DLGAP2: variants seen among roughly 807,000 people sequenced by gnomAD.
The protein encoded by DLGAP2 is DLG associated protein 2, also known as disks large-associated protein 2.
Under a neutral mutation model 100.3 loss-of-function variants are expected in DLGAP2, and 26 were observed. The ratio of observed to expected loss-of-function variants is 0.26; its 90% CI spans 0.19 to 0.36. The LOEUF is 0.36. Ranked by LOEUF, DLGAP2 falls within the 10% of genes least tolerant of loss-of-function variation. The probability of loss-of-function intolerance (pLI) is 1.00; values close to 1 mark genes in which losing one functional copy is unlikely to be tolerated. For synonymous variants in DLGAP2, 886 were observed against 630.1 expected, an observed-to-expected ratio of 1.41 and a Z score of -6.08; for missense variants, 1,858 against 1,453.2, an observed-to-expected ratio of 1.28 and a Z score of -4.53.
At chr8:948,190 G>A (rs1306986180) in intron 2 of DLGAP2, among the ~76,000 whole-genome samples, 1 of 152,196 alleles carries the variant, frequency 6.6e-6, no homozygotes. Flanking sequence ...GACAACTTGG[G>A]CCGGGAGAGA....
intron 2 of DLGAP2, among the ~76,000 whole-genome samples, chr8:1,053,446 C>G (rs1802781753): frequency 6.6e-6 from 1 of 152,090 alleles, no homozygotes; most frequent in Admixed American, 6.5e-5. Context: ...CCAGAAGGAC[C>G]AGGTGTGTCC....
At chr8:911,903 C>G (rs1458591454) in intron 2 of DLGAP2, among the ~76,000 whole-genome samples, 1 of 152,228 alleles carries the variant, frequency 6.6e-6, no homozygotes, top group Non-Finnish European at 1.5e-5. Flanking sequence ...CTGTTCAGTT[C>G]CTAGATGATC....
At chr8:1,515,060 C>T (rs1390407725) in intron 4 of DLGAP2, among the ~76,000 whole-genome samples, 1 of 151,744 alleles carries the variant, frequency 6.6e-6, no homozygotes, top group Non-Finnish European at 1.5e-5. Context: ...GATACCGATC[C>T]CTGCAGGGAG....
chr8:1,313,509 T>G (rs1800659602), intron 3 of DLGAP2, among the ~76,000 whole-genome samples: 1 of 152,078 alleles, frequency 6.6e-6, no homozygotes, highest in Non-Finnish European at 1.5e-5. Context: ...TGATAAACCT[T>G]TGAAGAAAAA....
chr8:769,150 C>G (rs1176163830), intron 1 of DLGAP2, among the ~76,000 whole-genome samples: 1 of 152,052 alleles, frequency 6.6e-6, no homozygotes, highest in East Asian at 1.9e-4. Flanking sequence ...AGAAAATCAG[C>G]TCAGAAACCT....
chr8:1,254,073 G>T (rs921872831), intron 2 of DLGAP2, among the ~76,000 whole-genome samples: 3 of 152,200 alleles, frequency 2.0e-5, no homozygotes, highest in Admixed American at 6.5e-5. Flanking sequence ...GTCCCTCCTG[G>T]GGGCACTGAG....
chr8:923,976 A>T (rs148143091), intron 2 of DLGAP2, among the ~76,000 whole-genome samples: 1 of 152,230 alleles, frequency 6.6e-6, no homozygotes, highest in African/African-American at 2.4e-5. Context: ...AATGTTCTTA[A>T]GTTAAATCAA....
At chr8:1,660,923 C>T in intron 8 of DLGAP2, among the ~76,000 whole-genome samples, 1 of 152,176 alleles carries the variant, frequency 6.6e-6, no homozygotes. Context: ...ATACACGGCA[C>T]CGTGATTCCG....
chr8:1,662,889 A>G (rs1798444100), intron 8 of DLGAP2, among the ~76,000 whole-genome samples: 1 of 135,642 alleles, frequency 7.4e-6, no homozygotes, highest in Non-Finnish European at 1.5e-5. Context: ...GCGCGTGTGT[A>G]CATGTGTGAG....
intron 1 of DLGAP2, among the ~76,000 whole-genome samples, chr8:843,249 G>A (rs947418627): frequency 6.6e-6 from 1 of 152,202 alleles, no homozygotes; most frequent in Non-Finnish European, 1.5e-5. Context: ...AGTTAAGAAG[G>A]TGGCAGTTTG....
intron 6 of DLGAP2, among the ~76,000 whole-genome samples, chr8:1,605,533 G>A (rs551178817): frequency 2.0e-5 from 3 of 152,234 alleles, no homozygotes; most frequent in Non-Finnish European, 4.4e-5. Context: ...CTTTAGAAAC[G>A]TGCTACATTC....
chr8:1,188,594 C>T (rs1034090561), intron 2 of DLGAP2, among the ~76,000 whole-genome samples: 10 of 152,124 alleles, frequency 6.6e-5, no homozygotes, highest in South Asian at 4.1e-4. Context: ...CTCACACACC[C>T]GGGACGTCCG....
At chr8:979,741 C>G (rs1421224022) in intron 2 of DLGAP2, among the ~76,000 whole-genome samples, 1 of 152,228 alleles carries the variant, frequency 6.6e-6, no homozygotes, top group Admixed American at 6.5e-5. Flanking sequence ...TGTGCCAGTC[C>G]TTTCTCTTGC....
chr8:1,456,998 C>T (rs531513076), intron 3 of DLGAP2, among the ~76,000 whole-genome samples: 26 of 152,324 alleles, frequency 1.7e-4, no homozygotes, highest in African/African-American at 5.1e-4. Context: ...TAGCCTTTCC[C>T]GAGTTCAGAG....
At chr8:1,108,157 G>A (rs1804837462) in intron 2 of DLGAP2, among the ~76,000 whole-genome samples, 1 of 152,130 alleles carries the variant, frequency 6.6e-6, no homozygotes, top group African/African-American at 2.4e-5. Context: ...TAGGTAAGAA[G>A]AAAGGATAGG....
chr8:841,211 G>T (rs1227995835), intron 1 of DLGAP2, among the ~76,000 whole-genome samples: 3 of 152,120 alleles, frequency 2.0e-5, no homozygotes, highest in African/African-American at 7.2e-5. Flanking sequence ...GAATGAATTG[G>T]TTTATCTCAC....
chr8:1,620,952 TCTC>T (rs1405432948), intron 6 of DLGAP2, among the ~76,000 whole-genome samples: 1 of 152,122 alleles, frequency 6.6e-6, no homozygotes, highest in African/African-American at 2.4e-5. Context: ...TACCCTCTGC[TCTC>T]CAGACAAACA....
chr8:1,076,415 A>G (rs1386938671), intron 2 of DLGAP2, among the ~76,000 whole-genome samples: 1 of 152,068 alleles, frequency 6.6e-6, no homozygotes, highest in African/African-American at 2.4e-5. Context: ...GACGTACGGT[A>G]TTTTGCGGAA....
rs79046058 is a variant in DLGAP2, at chr8:1,660,911, G to A, written c.1811-7418G>A. ...TTTCCCCTTGAATGGTGTCACCGAA[G>A]AATACACGGCACCGTGATTCCGTAG... On this transcript the variant is annotated intron_variant, in intron 8 of 14. Transcript: ENST00000637795. Among the ~76,000 whole-genome samples the A allele has an allele frequency of 3.1e-3, 478 of 152,262 alleles. 1 individual carries two copies. The highest frequency in any genetic ancestry group is 0.01 in the African/African-American group (417 of 41,532).
Sources: allele counts gnomAD v4.1 joint callset (sites outside exome capture counted in the v4.1 genomes callset), GRCh38; gene constraint gnomAD v4.1.1; transcripts MANE v1.5; gene names NCBI Gene and HGNC (gene_info 2026-07-23, HGNC 2026-07-21).